LSG1: variants seen among roughly 807,000 people sequenced by gnomAD.
LSG1 encodes the protein large subunit GTPase 1 homolog.
In LSG1, 55 loss-of-function variants were observed where a neutral mutation model predicts 82.6. The ratio of observed to expected loss-of-function variants is 0.67; its 90% CI spans 0.54 to 0.83. The LOEUF (loss-of-function observed/expected upper bound fraction) is 0.83, where lower values mean the gene tolerates loss of function less well. Among genes scored for constraint, LSG1 ranks in the 40% least tolerant of loss-of-function variants. LSG1 has a pLI of 0.00. For missense variants in LSG1, 809 were observed against 807.9 expected (o/e 1.00, Z -0.02); for synonymous variants, 272 against 282.5 (o/e 0.96, Z 0.37).
chr3:194,650,830 A>G (rs765822258), intron 10 of LSG1, 51 bp downstream of exon 10: 1 of 1,544,602 alleles, frequency 6.5e-7, no homozygotes, highest in Non-Finnish European at 8.7e-7. Context: ...ATAAACCTGA[A>G]GCCCTAATAT....
In LSG1 at chr3:194,658,835, CA is replaced by C. The variant is rs776545776; in HGVS notation, c.759+121del. 607 of 1,004,012 alleles carry C rather than the reference CA, an allele frequency of 6.0e-4. 2 individuals are homozygous for C. The highest frequency in any genetic ancestry group is 3.0e-3 in the South Asian group (187 of 62,014). The allele number at this position is 1,004,012 out of a possible 1,614,324, so 62.2% of individuals were successfully genotyped here. ...CTATAGGTCATCCTAATCCAGCACA[CA>C]GAGGAAAAACTCTAATTCCCACAGA... On this transcript the variant is annotated intron_variant, in intron 7 of 13. Coordinates refer to ENST00000265245, the MANE Select transcript of LSG1 (RefSeq NM_018385.3).
intron 7 of LSG1, among the ~76,000 whole-genome samples, chr3:194,655,371 G>C (rs965557181): frequency 6.6e-6 from 1 of 152,132 alleles, no homozygotes; most frequent in Non-Finnish European, 1.5e-5. Context: ...TAGGGTTATT[G>C]CATCAGGGCA....
chr3:194,659,484 A>T (rs1345622784), intron 6 of LSG1, among the ~76,000 whole-genome samples: 1 of 152,194 alleles, frequency 6.6e-6, no homozygotes, highest in African/African-American at 2.4e-5. Context: ...CTCTACAAAA[A>T]ATTAGATCTA....
At chr3:194,659,228 C>G in intron 6 of LSG1, 95 bp from the exon 7 acceptor site, 2 of 964,888 alleles carry the variant, frequency 2.1e-6, no homozygotes, top group Non-Finnish European at 3.1e-6. Flanking sequence ...TTTTACTGCC[C>G]CTAGTTTTAA....
chr3:194,643,537 A>AG (rs112369451), intron 13 of LSG1, among the ~76,000 whole-genome samples: 15 of 152,110 alleles, frequency 9.9e-5, no homozygotes, highest in African/African-American at 2.9e-4. Context: ...ATAAAAAAAA[A>AG]ATGGGAAATA....
At chr3:194,658,860 G>C in intron 7 of LSG1, 97 bp downstream of exon 7, 4 of 1,233,104 alleles carry the variant, frequency 3.2e-6, no homozygotes, top group Non-Finnish European at 4.6e-6. Context: ...AATTCCCACA[G>C]ATTTTCCATA....
intron 11 of LSG1, among the ~76,000 whole-genome samples, chr3:194,647,063 C>T (rs1044165805): frequency 4.6e-5 from 7 of 152,098 alleles, no homozygotes; most frequent in South Asian, 2.1e-4. Context: ...TACTAGCTGT[C>T]GACTGGCTTT....
chr3:194,668,569 T>C lies in LSG1; in HGVS notation c.226+1440A>G, dbSNP rs574663926. Among the ~76,000 whole-genome samples, 6 of 152,344 alleles carry C rather than the reference T, an allele frequency of 3.9e-5. No individual in the cohort carries two copies. The South Asian group carries it at 1.2e-3, about 32-fold the overall frequency. On this transcript the variant is annotated intron_variant, in intron 2 of 13. Coordinates refer to ENST00000265245, the MANE Select transcript of LSG1 (RefSeq NM_018385.3). ...CCTCTCCATCAAGTCTGGTTTACTC[T>C]AGCTCCTTAAGTGTTCTTGTTCCTC... is the stretch of plus-strand genomic sequence containing the variant.
intron 5 of LSG1, 136 bp from the exon 6 acceptor site, chr3:194,660,269 A>G: frequency 2.8e-6 from 2 of 708,406 alleles, no homozygotes; most frequent in Non-Finnish European, 5.0e-6. Context: ...AGGTATAATT[A>G]TTCCCGGTTT....
At chr3:194,657,451 T>C (rs1718815262) in intron 7 of LSG1, among the ~76,000 whole-genome samples, 1 of 126,910 alleles carries the variant, frequency 7.9e-6, no homozygotes. Flanking sequence ...TGAGGTTTGC[T>C]TAGTAAGTTT....
At chr3:194,660,951 G>A (rs1675947) in intron 5 of LSG1, 297,349 of 455,224 alleles carry the variant, frequency 0.65, 99,869 homozygotes, top group East Asian at 0.87. Context: ...CTCTGTGCTA[G>A]ATGTTATAAA....
rs1718400030 is a variant in LSG1, at chr3:194,641,932, T to C, written c.*136A>G. 2.3e-6 allele frequency: 2 copies of C among 888,884 alleles called. No homozygotes were observed. The allele number at this position is 888,884 out of a possible 1,614,324, so 55.1% of individuals were successfully genotyped here. On this transcript the variant is annotated 3_prime_UTR_variant, in exon 14 of 14. Coordinates refer to ENST00000265245, the MANE Select transcript of LSG1 (RefSeq NM_018385.3). ...GCCCTTGGTCTTGACATGGAGACTG[T>C]TGGGTGCAGCCGTGCTCTGCAAGAG...
At chr3:194,664,028 A>G (rs957488716) in intron 5 of LSG1, among the ~76,000 whole-genome samples, 2 of 152,146 alleles carry the variant, frequency 1.3e-5, no homozygotes, top group African/African-American at 4.8e-5. Context: ...GCTGGAGTGC[A>G]GTGGTGCGAT....
chr3:194,649,590 T>TG (rs1353454808), intron 10 of LSG1, among the ~76,000 whole-genome samples: 1 of 151,668 alleles, frequency 6.6e-6, no homozygotes, highest in Non-Finnish European at 1.5e-5. Context: ...CTCGGGAGGC[T>TG]GAGGCAGGAG....
intron 2 of LSG1, among the ~76,000 whole-genome samples, chr3:194,667,942 A>AAAAAAAAAAAAATATATATAT (rs1416407494): frequency 1.1e-5 from 1 of 86,966 alleles, no homozygotes; most frequent in African/African-American, 4.8e-5. Context: ...AAAAAAAAAA[A>AAAAAAAAAAAAATATATATAT]ATATATATAT....
intron 5 of LSG1, among the ~76,000 whole-genome samples, chr3:194,662,636 C>A (rs1415457976): frequency 4.6e-5 from 7 of 152,180 alleles, no homozygotes; most frequent in African/African-American, 1.7e-4. Flanking sequence ...GTGGCGCGTG[C>A]CTGTAATCCC....
Position 194,667,923 on chromosome 3 carries a change from C to CAAAAAAA in LSG1, c.227-1358_227-1352dup, listed in dbSNP as rs1170566137. Among the ~76,000 whole-genome samples, 88 of 12,836 alleles carry CAAAAAAA rather than the reference C, an allele frequency of 6.9e-3. 13 individuals are homozygous for CAAAAAAA. The highest frequency in any genetic ancestry group is 7.9e-3 in the African/African-American group (20 of 2,532). The allele number at this position is 12,836 out of a possible 152,430, so 8.4% of individuals were successfully genotyped here. A position where few individuals can be genotyped will look rare whatever the true frequency, so the allele number is the denominator to read the frequency against. On this transcript the variant is annotated intron_variant, in intron 2 of 13. Transcript: ENST00000265245. ...GGGCGACAAGAGAGAGACTCCGTCTCAAAAAAAAAAAAAAAAAAAATATAT... is the reference window on the plus strand; with the variant it reads ...GGGCGACAAGAGAGAGACTCCGTCTCAAAAAAAAAAAAAAAAAAAAAAAAAAATATAT...
chr3:194,670,917 AAAAC>A (rs150293579), intron 1 of LSG1, among the ~76,000 whole-genome samples: 42,823 of 151,790 alleles, frequency 0.28, 6,759 homozygotes, highest in Middle Eastern at 0.38. Context: ...CTGTCTCTCC[AAAAC>A]AAACAAACAA....
At chr3:194,669,060 C>T (rs560234033) in intron 2 of LSG1, among the ~76,000 whole-genome samples, 43 of 152,250 alleles carry the variant, frequency 2.8e-4, no homozygotes, top group South Asian at 1.2e-3. Flanking sequence ...TAGGAGGATA[C>T]TGGTCAAACG....
Sources: gnomAD v4.1 joint callset for allele counts (sites outside exome capture counted in the v4.1 genomes callset) on GRCh38, gnomAD v4.1.1 for gene constraint, MANE v1.5 for transcripts, NCBI Gene and HGNC (gene_info 2026-07-23, HGNC 2026-07-21) for gene names.